WDFY4: variants seen among roughly 807,000 people sequenced by gnomAD.
WDFY4 encodes WD repeat- and FYVE domain-containing protein 4.
A neutral mutation model predicts 351.9 loss-of-function variants in WDFY4; 169 were observed. The observed-to-expected ratio is 0.48, with a 90% CI of 0.42 to 0.55. The LOEUF (loss-of-function observed/expected upper bound fraction) is 0.55. WDFY4 is among the 20% of genes least tolerant of loss of function. The probability of loss-of-function intolerance (pLI) is 0.00; values close to 1 mark genes in which losing one functional copy is unlikely to be tolerated. For synonymous variants in WDFY4, 1,622 were observed against 1,574.6 expected, an observed-to-expected ratio of 1.03 and a Z score of -0.71; for missense variants, 3,803 against 3,935.6, an observed-to-expected ratio of 0.97 and a Z score of 0.90.
intron 47 of WDFY4, among the ~76,000 whole-genome samples, chr10:48,908,273 T>A (rs577009397): frequency 7.9e-5 from 12 of 152,280 alleles, no homozygotes; most frequent in Non-Finnish European, 1.5e-4. Flanking sequence ...GGAACAGGTG[T>A]GCAAATGCCC....
chr10:48,861,257 G>A (rs1158711099), intron 39 of WDFY4, among the ~76,000 whole-genome samples: 1 of 152,130 alleles, frequency 6.6e-6, no homozygotes, highest in South Asian at 2.1e-4. Context: ...GATGTATACT[G>A]TATCTACCCA....
chr10:48,780,945 T>C (rs1026137041), intron 19 of WDFY4, among the ~76,000 whole-genome samples: 8 of 152,222 alleles, frequency 5.3e-5, no homozygotes, highest in Non-Finnish European at 1.0e-4. Context: ...TAGGTGATTC[T>C]AATATGCAGC....
At chr10:48,880,976 C>T (rs1489542794) in intron 43 of WDFY4, among the ~76,000 whole-genome samples, 3 of 152,190 alleles carry the variant, frequency 2.0e-5, no homozygotes, top group Admixed American at 6.5e-5. Flanking sequence ...TCTCTTGCCT[C>T]CACTTACAGG....
chr10:48,722,727 C>A (rs73306145), intron 4 of WDFY4, among the ~76,000 whole-genome samples: 16,197 of 152,300 alleles, frequency 0.11, 1,339 homozygotes, highest in African/African-American at 0.23. Context: ...TGCGCACACA[C>A]GCACACACAG....
chr10:48,768,974 C>A (rs144191919), intron 13 of WDFY4, among the ~76,000 whole-genome samples: 1 of 152,164 alleles, frequency 6.6e-6, no homozygotes, highest in Admixed American at 6.5e-5. Flanking sequence ...ACTACGGCTG[C>A]AGTACAGAGG....
rs1433547335 is a variant in WDFY4 at position 48,727,538 on chromosome 10, G to A, written c.850G>A (p.Val284Met). Residue 284 changes from valine to methionine, a missense_variant, in exon 7 of 62, where the codon GTG becomes ATG. By Grantham distance (21) the Val-to-Met change is conservative. This residue lies in a region of WDFY4 where 488 missense variants were observed against 456.8 expected (regional missense o/e 1.07). Coordinates refer to ENST00000325239, the MANE Select transcript of WDFY4 (RefSeq NM_001394531.1). ...CACGGACACTCTCCCTGCCCCTGAA[G>A]TGAGCGAGGCTGTAAGCCTGATCTT... The part of the protein sequence containing the change: ...RLTDTLPAPE[V>M]SEAVSLILGF... The A allele has an allele frequency of 3.9e-6, 6 of 1,551,688 alleles. No individual in the cohort carries two copies. The highest frequency in any genetic ancestry group is 2.4e-5 in the South Asian group (2 of 84,070).
At position 48,788,598 on chromosome 10, in the gene WDFY4, G is replaced by A. The variant is rs1222493539; in HGVS notation, c.3877G>A (p.Ala1293Thr). 1.3e-6 allele frequency: 2 copies of A among 1,551,832 alleles called. No homozygotes were observed. The highest frequency in any genetic ancestry group is 1.7e-6 in the Non-Finnish European group (2 of 1,147,014). Residue 1293 changes from alanine (A) to threonine (T), a missense_variant, in exon 21 of 62, where the codon GCC (alanine) becomes ACC (threonine). Coordinates refer to ENST00000325239, the MANE Select transcript of WDFY4 (RefSeq NM_001394531.1). Reference sequence around the variant, plus strand: ...AAGAGTTTCTTTTGGACTTCACATAGCCAGCTCCTCTATCACCAGTGTAGC... The same window carrying A: ...AAGAGTTTCTTTTGGACTTCACATAACCAGCTCCTCTATCACCAGTGTAGC... The part of the protein sequence containing the change: ...EERVSFGLHI[A>T]SSSITSVADI...
At chr10:48,853,622 G>C (rs879884467) in intron 39 of WDFY4, among the ~76,000 whole-genome samples, 2 of 152,112 alleles carry the variant, frequency 1.3e-5, no homozygotes, top group Non-Finnish European at 2.9e-5. Context: ...GTTGGTATAA[G>C]GTATCAAAAA....
chr10:48,848,504 C>T (rs113033911), intron 39 of WDFY4, among the ~76,000 whole-genome samples: 8 of 152,340 alleles, frequency 5.3e-5, no homozygotes, highest in Non-Finnish European at 1.0e-4. Context: ...CCCTGCTCCT[C>T]GTAGGTGGCG....
At chr10:48,795,525 A>G (rs1426749617) in intron 23 of WDFY4, among the ~76,000 whole-genome samples, 3 of 74,184 alleles carry the variant, frequency 4.0e-5, no homozygotes, top group African/African-American at 2.5e-4. Flanking sequence ...ATATATATAC[A>G]TATATATATA....
chr10:48,901,722 C>A, intron 46 of WDFY4, 79 bp from the exon 47 acceptor site: 1 of 1,461,562 alleles, frequency 6.8e-7, no homozygotes, highest in Non-Finnish European at 9.4e-7. Flanking sequence ...AGCTTCCTGC[C>A]TGACTCCGGA....
At chr10:48,754,620 T>A (rs1208598127) in intron 12 of WDFY4, among the ~76,000 whole-genome samples, 2 of 151,800 alleles carry the variant, frequency 1.3e-5, no homozygotes, top group Admixed American at 1.3e-4. Flanking sequence ...ATTATTAATT[T>A]TAATTTACTT....
chr10:48,834,432 A>G (rs1316270583), intron 39 of WDFY4, among the ~76,000 whole-genome samples: 29 of 152,164 alleles, frequency 1.9e-4, no homozygotes, highest in Admixed American at 1.8e-3. Context: ...TTTATAATAG[A>G]GCATGTGGAG....
intron 39 of WDFY4, among the ~76,000 whole-genome samples, chr10:48,844,900 A>T (rs1446484457): frequency 6.6e-6 from 1 of 152,222 alleles, no homozygotes; most frequent in East Asian, 1.9e-4. Flanking sequence ...TACATAAAGA[A>T]ATCTGAAAGA....
chr10:48,705,629 A>G (rs1162781779), intron 1 of WDFY4, among the ~76,000 whole-genome samples: 3 of 152,190 alleles, frequency 2.0e-5, no homozygotes, highest in African/African-American at 7.2e-5. Flanking sequence ...GCAGCTTGGC[A>G]TTTGAGTCAG....
intron 47 of WDFY4, among the ~76,000 whole-genome samples, chr10:48,909,131 C>T (rs1258350750): frequency 6.6e-6 from 1 of 152,064 alleles, no homozygotes; most frequent in African/African-American, 2.4e-5. Context: ...AGTAGTATTC[C>T]ATGATAGAAA....
At chr10:48,817,572 G>GTGTA (rs1319444817) in intron 32 of WDFY4, among the ~76,000 whole-genome samples, 163 bp downstream of exon 32, 1 of 152,102 alleles carries the variant, frequency 6.6e-6, no homozygotes, top group African/African-American at 2.4e-5. Context: ...TCCTTTTTTG[G>GTGTA]CTGAGATACA....
Position 48,788,538 on chromosome 10 carries a change from C to A in WDFY4, c.3817C>A (p.Leu1273Met). 1.3e-6 allele frequency: 2 copies of A among 1,552,080 alleles called. No individual in the cohort carries two copies. Residue 1273 changes from leucine (L) to methionine (M), a missense_variant, in exon 21 of 62, where the codon CTG becomes ATG. Around this residue, in one of 3 missense-constraint regions of WDFY4, gnomAD observed 3,054 missense variants for 3,148.6 expected, o/e 0.97. Transcript: ENST00000325239. ...AAGATGTGTTGTTACAGGGGAGGAC[C>A]TGGACAGTGAAGCCACGCCCTTTGT... ...FQAVHVQGED[L>M]DSEATPFVAE...
Position 48,790,749 on chromosome 10 carries a change from C to T in WDFY4, c.4089C>T (p.Ser1363=), listed in dbSNP as rs1160652616. Residue 1363 remains serine (S), a synonymous_variant, in exon 23 of 62, where the codon AGC becomes AGT. Transcript: ENST00000325239. ...GQLGVRVFHS[S]PAASSLDFIG... ...CAGGGGTGAGGGTATTCCACTCCAG[C>T]CCTGCTGCCAGCAGCCTGGACTTCA... The T allele has an allele frequency of 6.4e-7, 1 of 1,551,818 alleles. No individual in the cohort carries two copies. The highest frequency in any genetic ancestry group is 2.4e-5 in the East Asian group (1 of 40,928).
Sources: gnomAD v4.1 joint callset for allele counts (sites outside exome capture counted in the v4.1 genomes callset) on GRCh38, gnomAD v4.1.1 for gene constraint, gnomAD v4.1.1 regional missense constraint, MANE v1.5 for transcripts, NCBI Gene and HGNC (gene_info 2026-07-23, HGNC 2026-07-21) for gene names.